The following ATP10B variants were observed in gnomAD, a reference collection of about 807,000 sequenced individuals.
ATP10B encodes ATPase phospholipid transporting 10B (putative).
Under a neutral mutation model 141.2 loss-of-function variants are expected in ATP10B, and 122 were observed. The ratio of observed to expected loss-of-function variants is 0.86; its 90% confidence interval spans 0.75 to 1.00. The LOEUF (loss-of-function observed/expected upper bound fraction) is 1.00, where lower values mean the gene tolerates loss of function less well. ATP10B is among the 50% of genes least tolerant of loss of function. The pLI is 0.00. For synonymous variants in ATP10B, 685 were observed against 692.0 expected (o/e 0.99, Z 0.16); for missense variants, 1,876 against 1,825.3 (o/e 1.03, Z -0.51).
chr5:160,868,008 C>T, the ATP10B span, among the ~76,000 whole-genome samples: 5 of 152,086 alleles, frequency 3.3e-5, no homozygotes, highest in African/African-American at 9.7e-5. Flanking sequence ...GGGGTAATAT[C>T]ACCGAAAGCT....
intron 10 of ATP10B, among the ~76,000 whole-genome samples, chr5:160,639,431 A>T (rs1483431211): frequency 6.6e-6 from 1 of 152,154 alleles, no homozygotes; most frequent in Non-Finnish European, 1.5e-5. Context: ...GGGCCCAATG[A>T]TGTAATCACA....
At chr5:160,633,343 A>T (rs1759072913) in intron 12 of ATP10B, 1 of 152,276 alleles carries the variant, frequency 6.6e-6, no homozygotes, top group Admixed American at 6.5e-5. Flanking sequence ...GGATAAAGAA[A>T]ATGTGGCACA....
intron 13 of ATP10B, among the ~76,000 whole-genome samples, chr5:160,626,836 T>C (rs1758638057): frequency 6.6e-6 from 1 of 152,210 alleles, no homozygotes; most frequent in South Asian, 2.1e-4. Flanking sequence ...CTGGGAAAAG[T>C]AGGCCAAACT....
At chr5:160,813,052 G>T (rs1773286159) in intron 1 of ATP10B, among the ~76,000 whole-genome samples, 1 of 152,250 alleles carries the variant, frequency 6.6e-6, no homozygotes, top group African/African-American at 2.4e-5. Context: ...AGCTCCCAGT[G>T]TGAGTGATGC....
chr5:160,655,254 A>AT (rs1403844887), intron 7 of ATP10B, among the ~76,000 whole-genome samples: 1 of 151,942 alleles, frequency 6.6e-6, no homozygotes, highest in African/African-American at 2.4e-5. Flanking sequence ...CCTAGAAGAC[A>AT]TTTTTTTGAT....
the ATP10B span, among the ~76,000 whole-genome samples, chr5:160,872,522 G>A: frequency 1.3e-5 from 2 of 152,268 alleles, no homozygotes; most frequent in East Asian, 1.9e-4. Flanking sequence ...TCTTAGATTT[G>A]AGTCCTTAAT....
the ATP10B span, among the ~76,000 whole-genome samples, chr5:160,919,088 G>A: frequency 6.7e-6 from 1 of 150,088 alleles, no homozygotes; most frequent in South Asian, 2.1e-4. Context: ...GCCGGGCATG[G>A]TGGCGCGCAC....
At chr5:160,754,292 C>T (rs1768360003) in intron 2 of ATP10B, among the ~76,000 whole-genome samples, 1 of 152,164 alleles carries the variant, frequency 6.6e-6, no homozygotes, top group South Asian at 2.1e-4. Context: ...CATGCTTAAC[C>T]TATACTCAAG....
At chr5:160,626,758 G>A (rs1758633630) in intron 13 of ATP10B, among the ~76,000 whole-genome samples, 1 of 152,188 alleles carries the variant, frequency 6.6e-6, no homozygotes, top group Non-Finnish European at 1.5e-5. Flanking sequence ...AGTAGCAAGG[G>A]TCTGTGTTAC....
chr5:160,910,761 T>TA, the ATP10B span, among the ~76,000 whole-genome samples: 1 of 152,238 alleles, frequency 6.6e-6, no homozygotes, highest in South Asian at 2.1e-4. Context: ...CATCAATGAT[T>TA]AAAAAAGTAC....
At chr5:160,653,643 T>TAC (rs1761157246) in intron 7 of ATP10B, among the ~76,000 whole-genome samples, 1 of 82,398 alleles carries the variant, frequency 1.2e-5, no homozygotes, top group Non-Finnish European at 2.2e-5. Flanking sequence ...TATATACATA[T>TAC]ATATTATATA....
chr5:160,881,218 A>G, the ATP10B span, among the ~76,000 whole-genome samples: 1 of 152,324 alleles, frequency 6.6e-6, no homozygotes, highest in East Asian at 1.9e-4. Context: ...CATCAGGAAA[A>G]TGCAAACTAA....
At chr5:160,590,993 C>A in intron 23 of ATP10B, 66 bp downstream of exon 23, 1 of 1,394,648 alleles carries the variant, frequency 7.2e-7, no homozygotes, top group Non-Finnish European at 1.0e-6. Flanking sequence ...TGGTCTGGAA[C>A]TTTATATAAA....
At chr5:160,880,229 T>TATA in the ATP10B span, among the ~76,000 whole-genome samples, 1 of 145,714 alleles carries the variant, frequency 6.9e-6, no homozygotes, top group African/African-American at 2.5e-5. Flanking sequence ...ATAAATAAAA[T>TATA]ATAAATATTT....
At position 160,840,777 on chromosome 5, in the gene ATP10B, C is replaced by A. The variant is rs1775765283; in HGVS notation, c.-576+11164G>T. Among the ~76,000 whole-genome samples the A allele has an allele frequency of 2.6e-5, 4 of 151,788 alleles. No homozygotes were observed. The South Asian group carries it at 8.4e-4, about 32-fold the overall frequency. On this transcript the variant is annotated intron_variant, in intron 1 of 25. Transcript: ENST00000327245. ...AGAAGGAAAAATTATCATTCTATAGCAAAATGAACAAAAGAAAAAGAGAGG... is the reference window on the plus strand; with the variant it reads ...AGAAGGAAAAATTATCATTCTATAGAAAAATGAACAAAAGAAAAAGAGAGG...
chr5:160,903,613 A>G, the ATP10B span, among the ~76,000 whole-genome samples: 1 of 152,212 alleles, frequency 6.6e-6, no homozygotes, highest in Non-Finnish European at 1.5e-5. Context: ...AGCCATGCCT[A>G]CAGTTTTACT....
chr5:160,662,398 C>T (rs1316495056), intron 7 of ATP10B, among the ~76,000 whole-genome samples: 1 of 152,180 alleles, frequency 6.6e-6, no homozygotes, highest in Non-Finnish European at 1.5e-5. Flanking sequence ...TCAAACTATA[C>T]TACAAGGCTA....
chr5:160,748,382 C>T (rs1158189744), intron 2 of ATP10B, among the ~76,000 whole-genome samples: 1 of 152,200 alleles, frequency 6.6e-6, no homozygotes, highest in Non-Finnish European at 1.5e-5. Flanking sequence ...CTATCCACTT[C>T]CTGATACTAA....
At chr5:160,740,977 A>G (rs1767429431) in intron 2 of ATP10B, among the ~76,000 whole-genome samples, 2 of 152,184 alleles carry the variant, frequency 1.3e-5, no homozygotes, top group Admixed American at 6.5e-5. Flanking sequence ...TGGCCTCCCC[A>G]ATCCTTACTC....
Sources: gnomAD v4.1 joint callset for allele counts (sites outside exome capture counted in the v4.1 genomes callset) on GRCh38, gnomAD v4.1.1 for gene constraint, MANE v1.5 for transcripts, NCBI Gene and HGNC (gene_info 2026-07-23, HGNC 2026-07-21) for gene names.